Variants in HOPX observed in about 807,000 individuals in gnomAD.
HOPX encodes HOP homeobox.
HOPX carries 5 observed loss-of-function variants against 11.8 expected under a neutral mutation model. The observed-to-expected ratio is 0.43, with a 90% CI of 0.22 to 0.89. The LOEUF is 0.89. Ranked by LOEUF, HOPX falls within the 40% of genes least tolerant of loss-of-function variation. HOPX has a pLI of 0.28. For missense variants in HOPX, 119 were observed against 120.0 expected (o/e 0.99, Z 0.04); for synonymous variants, 49 against 49.7 (o/e 0.99, Z 0.06).
chr4:56,659,081 G>A (rs1251634648), intron 1 of HOPX: 2 of 152,186 alleles, frequency 1.3e-5, no homozygotes, highest in Non-Finnish European at 2.9e-5. Flanking sequence ...TACCTCTGTA[G>A]TAACCAAAAA....
intron 1 of HOPX, among the ~76,000 whole-genome samples, chr4:56,660,198 C>A (rs1718029890): frequency 6.6e-6 from 1 of 151,864 alleles, no homozygotes; most frequent in African/African-American, 2.4e-5. Flanking sequence ...TTACTGTTCT[C>A]CTCTAATTCC....
At chr4:56,665,834 T>TCCACAA (rs1718404058) in intron 1 of HOPX, 1 of 152,182 alleles carries the variant, frequency 6.6e-6, no homozygotes, top group South Asian at 2.1e-4. Flanking sequence ...AAATCTAGTA[T>TCCACAA]GTGACAGAGC....
At chr4:56,665,153 C>T (rs557367644) in intron 1 of HOPX, 6 of 152,314 alleles carry the variant, frequency 3.9e-5, no homozygotes, top group East Asian at 1.9e-4. Flanking sequence ...GATGGGATCT[C>T]GCTATGTTAC....
chr4:56,656,277 C>A (rs1041612034), intron 2 of HOPX: 4 of 1,161,026 alleles, frequency 3.4e-6, no homozygotes, highest in Admixed American at 4.8e-5. Context: ...CCCCGGGACC[C>A]CTTGCAGGAA....
chr4:56,661,047 A>T (rs1718090103), intron 1 of HOPX, among the ~76,000 whole-genome samples: 1 of 152,168 alleles, frequency 6.6e-6, no homozygotes, highest in Admixed American at 6.5e-5. Flanking sequence ...CCTGGGCTCG[A>T]GTGATCCTTA....
chr4:56,654,154 A>C (rs1408587897), intron 3 of HOPX, among the ~76,000 whole-genome samples: 1 of 152,190 alleles, frequency 6.6e-6, no homozygotes, highest in East Asian at 1.9e-4. Flanking sequence ...AAGTATATTT[A>C]ATCTTTCTGT....
intron 1 of HOPX, among the ~76,000 whole-genome samples, chr4:56,669,525 G>C (rs917752220): frequency 6.6e-6 from 1 of 152,090 alleles, no homozygotes; most frequent in African/African-American, 2.4e-5. Flanking sequence ...CAGATGAGGT[G>C]GTGGGGGCCT....
intron 1 of HOPX, among the ~76,000 whole-genome samples, chr4:56,667,454 T>C (rs1560371477): frequency 6.6e-6 from 1 of 152,190 alleles, no homozygotes; most frequent in Non-Finnish European, 1.5e-5. Flanking sequence ...CTGTTTATAT[T>C]TGATCACAGG....
intron 2 of HOPX, chr4:56,656,226 CG>C (rs1436578965): frequency 8.7e-7 from 1 of 1,143,808 alleles, no homozygotes; most frequent in Non-Finnish European, 1.1e-6. Context: ...AGCGCTGTTG[CG>C]GGCTGACGGC....
chr4:56,656,078 G>C (rs1184348812), intron 2 of HOPX, 66 bp from the exon 3 acceptor site: 1 of 1,382,886 alleles, frequency 7.2e-7, no homozygotes, highest in Non-Finnish European at 9.3e-7. Flanking sequence ...AGCGAAGGAA[G>C]GCGGTCGCGG....
At position 56,648,806 on chromosome 4, in the gene HOPX, G is replaced by A; in HGVS notation, c.199-9C>T. 1 of 1,601,114 alleles carries A rather than the reference G, an allele frequency of 6.2e-7. No homozygotes were observed. The highest frequency in any genetic ancestry group is 1.1e-5 in the South Asian group (1 of 90,246). On this transcript the variant is annotated splice_polypyrimidine_tract_variant and intron_variant, in intron 3 of 3. Transcript: ENST00000420433. Reference sequence around the variant, plus strand: ...CGCTGCTTAAACCATTTCTGGAAGAGAGAAATGAGAAAAAATATTTGTCAC... The same window carrying A: ...CGCTGCTTAAACCATTTCTGGAAGAAAGAAATGAGAAAAAATATTTGTCAC...
At chr4:56,649,581 T>TC (rs1716954985) in intron 3 of HOPX, 1 of 152,068 alleles carries the variant, frequency 6.6e-6, no homozygotes, top group African/African-American at 2.4e-5. Flanking sequence ...GGCCTACCAC[T>TC]TTACTCAGAA....
At chr4:56,654,310 T>C (rs1717472431) in intron 3 of HOPX, among the ~76,000 whole-genome samples, 1 of 152,250 alleles carries the variant, frequency 6.6e-6, no homozygotes, top group Admixed American at 6.5e-5. Context: ...GTAATTATGC[T>C]GCTTTATAGG....
Position 56,648,780 on chromosome 4 carries a change from G to A in HOPX, c.216C>T (p.Arg72=). 6.2e-6 allele frequency: 10 copies of A among 1,609,264 alleles called. No homozygotes were observed. Among genetic ancestry groups the A allele is most frequent in the Non-Finnish European group, 7.7e-6 (9 of 1,176,112 alleles). ...CTTCTGAGCGCCGCCACTTTGCCAG[G>A]CGCTGCTTAAACCATTTCTGGAAGA... is the stretch of plus-strand genomic sequence containing the variant. ...EEETQKWFKQ[R]LAKWRRSEGL... is the part of the protein sequence containing the mutation. Residue 72 remains arginine (R), a synonymous_variant, in exon 4 of 4, where the codon CGC becomes CGT. Coordinates refer to ENST00000420433, the MANE Select transcript of HOPX (RefSeq NM_032495.6).
intron 2 of HOPX, among the ~76,000 whole-genome samples, chr4:56,657,275 GA>G (rs1717812742): frequency 6.6e-6 from 1 of 152,220 alleles, no homozygotes; most frequent in Non-Finnish European, 1.5e-5. Context: ...GTCAGGACTT[GA>G]CTGTCGCTGA....
chr4:56,656,486 C>T (rs1717751013), intron 2 of HOPX: 2 of 276,422 alleles, frequency 7.2e-6, no homozygotes, highest in Non-Finnish European at 8.4e-6. Flanking sequence ...CGCGACTAGC[C>T]GGCCTCCGGC....
At chr4:56,667,438 T>G (rs111916888) in intron 1 of HOPX, among the ~76,000 whole-genome samples, 244 of 152,286 alleles carry the variant, frequency 1.6e-3, no homozygotes, top group African/African-American at 5.7e-3. Context: ...AACTGTTTTT[T>G]TTTCTCTGTT....
At chr4:56,660,821 A>G (rs912180590) in intron 1 of HOPX, among the ~76,000 whole-genome samples, 6 of 152,208 alleles carry the variant, frequency 3.9e-5, no homozygotes, top group Admixed American at 3.3e-4. Flanking sequence ...ACCCCGCTCA[A>G]TTTAAGCATT....
At chr4:56,668,972 T>A (rs1447274937) in intron 1 of HOPX, among the ~76,000 whole-genome samples, 1 of 152,186 alleles carries the variant, frequency 6.6e-6, no homozygotes, top group Non-Finnish European at 1.5e-5. Context: ...CCAGTTGTGA[T>A]CCAGTGAGAT....
Sources: allele counts gnomAD v4.1 joint callset (sites outside exome capture counted in the v4.1 genomes callset), GRCh38; gene constraint gnomAD v4.1.1; transcripts MANE v1.5; gene names NCBI Gene and HGNC (gene_info 2026-07-23, HGNC 2026-07-21).